Variants in EPB41L2 observed in about 807,000 individuals in gnomAD.
The protein encoded by EPB41L2 is erythrocyte membrane protein band 4.1 like 2, also known as band 4.1-like protein 2.
EPB41L2 carries 43 observed loss-of-function variants against 113.0 expected under a neutral mutation model. That is an observed-to-expected ratio of 0.38 (90% CI 0.30 to 0.49). The LOEUF is 0.49. Ranked by LOEUF, EPB41L2 falls within the 20% of genes least tolerant of loss-of-function variation. The pLI, the probability that EPB41L2 is intolerant of heterozygous loss-of-function variation, is 0.95. For synonymous variants in EPB41L2, 442 were observed against 436.7 expected, an observed-to-expected ratio of 1.01 and a Z score of -0.15; for missense variants, 1,147 against 1,223.4, an observed-to-expected ratio of 0.94 and a Z score of 0.93.
intron 10 of EPB41L2, among the ~76,000 whole-genome samples, chr6:130,891,542 G>A (rs1464938400): frequency 2.6e-5 from 4 of 152,022 alleles, no homozygotes; most frequent in African/African-American, 7.3e-5. Context: ...TCCGCCTCCC[G>A]GGTTCGAGTG....
intron 1 of EPB41L2, among the ~76,000 whole-genome samples, chr6:131,041,753 AAGAAAAAGAAGAG>A (rs1794497401): frequency 6.6e-6 from 1 of 152,202 alleles, no homozygotes; most frequent in African/African-American, 2.4e-5. Flanking sequence ...AATAAACTGA[AAGAAAAAGAAGAG>A]AAACAAAGTA....
chr6:130,841,063 A>G (rs1346171106), intron 19 of EPB41L2, among the ~76,000 whole-genome samples: 1 of 152,078 alleles, frequency 6.6e-6, no homozygotes, highest in Non-Finnish European at 1.5e-5. Flanking sequence ...AGTAAGATGT[A>G]TGTTGGGGGA....
At chr6:130,951,230 T>C (rs1272415234) in intron 3 of EPB41L2, among the ~76,000 whole-genome samples, 18 of 108,776 alleles carry the variant, frequency 1.7e-4, no homozygotes, top group Admixed American at 7.0e-4. Context: ...GCACTCCAGC[T>C]TGGGTGACAG....
chr6:130,916,962 C>A (rs1275266302), intron 4 of EPB41L2, among the ~76,000 whole-genome samples: 1 of 152,142 alleles, frequency 6.6e-6, no homozygotes. Flanking sequence ...ACTGAGTAAA[C>A]CTTCTAATTT....
chr6:131,060,415 T>G (rs1798430676), intron 1 of EPB41L2, among the ~76,000 whole-genome samples: 1 of 152,246 alleles, frequency 6.6e-6, no homozygotes. Context: ...GTGGACTGCT[T>G]TGTCATCTTT....
At chr6:131,027,928 C>T (rs1162550701) in intron 1 of EPB41L2, among the ~76,000 whole-genome samples, 2 of 152,124 alleles carry the variant, frequency 1.3e-5, no homozygotes, top group Non-Finnish European at 2.9e-5. Context: ...AAATATCCAA[C>T]ATATAATATA....
At chr6:130,925,582 A>G (rs999526340) in intron 4 of EPB41L2, among the ~76,000 whole-genome samples, 2 of 152,186 alleles carry the variant, frequency 1.3e-5, no homozygotes, top group Admixed American at 1.3e-4. Flanking sequence ...TACTTTACAA[A>G]GATTATATTA....
chr6:131,006,355 C>G (rs1336712554), intron 1 of EPB41L2, among the ~76,000 whole-genome samples: 1 of 151,280 alleles, frequency 6.6e-6, no homozygotes, highest in Non-Finnish European at 1.5e-5. Flanking sequence ...CCGCACCCGA[C>G]GAACTTCTTT....
At chr6:130,842,988 A>G (rs554151086) in intron 19 of EPB41L2, among the ~76,000 whole-genome samples, 2 of 148,770 alleles carry the variant, frequency 1.3e-5, no homozygotes, top group East Asian at 4.0e-4. Flanking sequence ...TTATTTTCTC[A>G]TTCTTTAAAA....
chr6:130,867,386 GAAGA>G lies in EPB41L2; in HGVS notation c.2730+69_2730+72del, dbSNP rs558540397. The G allele has an allele frequency of 2.5e-4, 384 of 1,550,942 alleles. 2 individuals carry two copies. In the African/African-American group the frequency reaches 5.1e-3, roughly 20 times the overall value. On this transcript the variant is annotated intron_variant, in intron 16 of 19. Coordinates refer to ENST00000337057, the MANE Select transcript of EPB41L2 (RefSeq NM_001431.4). The stretch of plus-strand genomic sequence containing the variant: ...AAAGCCAGAAACATGTAAACTAAGA[GAAGA>G]AAGAATGAAAACATAGATACACTAA...
chr6:131,056,323 A>T (rs2128205454), intron 1 of EPB41L2, among the ~76,000 whole-genome samples: 1 of 152,346 alleles, frequency 6.6e-6, no homozygotes, highest in African/African-American at 2.4e-5. Context: ...TACATTTATA[A>T]TCAGTTACCT....
chr6:130,936,197 T>C (rs1191652766), intron 3 of EPB41L2, among the ~76,000 whole-genome samples: 1 of 152,236 alleles, frequency 6.6e-6, no homozygotes, highest in Non-Finnish European at 1.5e-5. Flanking sequence ...ATTATCTAAA[T>C]CTTCATTTGC....
At chr6:130,926,153 C>A (rs180980664) in intron 4 of EPB41L2, among the ~76,000 whole-genome samples, 11 of 152,270 alleles carry the variant, frequency 7.2e-5, no homozygotes, top group African/African-American at 2.6e-4. Flanking sequence ...TCCAATGTGC[C>A]GCCTTCCCTG....
intron 3 of EPB41L2, among the ~76,000 whole-genome samples, chr6:130,948,493 G>A (rs574621523): frequency 2.6e-5 from 4 of 152,104 alleles, no homozygotes; most frequent in Admixed American, 6.5e-5. Context: ...ATTTCTAAAA[G>A]AGCAGCAGTA....
intron 1 of EPB41L2, among the ~76,000 whole-genome samples, chr6:131,041,100 C>T (rs886996857): frequency 3.9e-5 from 6 of 152,174 alleles, no homozygotes; most frequent in Non-Finnish European, 8.8e-5. Flanking sequence ...CTATACAAGA[C>T]ATCACGGGAA....
rs57182361 is a variant in EPB41L2, at chr6:131,034,844, G to A, written c.-15+28311C>T. ...AATTAAGCTGGCACAATATCCTACAGGGGTTAGTTCAAAAGAACAAACAAG... is the reference window on the plus strand; with the variant it reads ...AATTAAGCTGGCACAATATCCTACAAGGGTTAGTTCAAAAGAACAAACAAG... On this transcript the variant is annotated intron_variant, in intron 1 of 19. Coordinates refer to ENST00000337057, the MANE Select transcript of EPB41L2 (RefSeq NM_001431.4). Among the ~76,000 whole-genome samples the A allele has an allele frequency of 1.9e-3, 293 of 152,220 alleles. 3 individuals carry two copies. Among genetic ancestry groups the A allele is most frequent in the African/African-American group, 6.9e-3 (285 of 41,544 alleles).
intron 4 of EPB41L2, among the ~76,000 whole-genome samples, chr6:130,913,626 C>T (rs1310549385): frequency 1.6e-4 from 24 of 152,052 alleles, no homozygotes; most frequent in Admixed American, 1.4e-3. Flanking sequence ...CGTTATATTA[C>T]TTTTATTACA....
chr6:130,915,945 A>G (rs561189548), intron 4 of EPB41L2, among the ~76,000 whole-genome samples: 1 of 152,330 alleles, frequency 6.6e-6, no homozygotes, highest in East Asian at 1.9e-4. Context: ...GCCCAGCCTC[A>G]GGTATGTCTT....
At chr6:130,986,903 C>G (rs1780690677) in intron 1 of EPB41L2, among the ~76,000 whole-genome samples, 2 of 152,032 alleles carry the variant, frequency 1.3e-5, no homozygotes, top group African/African-American at 4.8e-5. Context: ...GCTGTCACAC[C>G]CCAGTACCCC....
Sources: gnomAD v4.1 joint callset for allele counts (sites outside exome capture counted in the v4.1 genomes callset) on GRCh38, gnomAD v4.1.1 for gene constraint, MANE v1.5 for transcripts, NCBI Gene and HGNC (gene_info 2026-07-23, HGNC 2026-07-21) for gene names.